The following PODXL variants were observed in gnomAD, a reference collection of about 807,000 sequenced individuals.
PODXL encodes podocalyxin like.
A neutral mutation model predicts 48.9 loss-of-function variants in PODXL; 20 were observed. The observed-to-expected ratio is 0.41, with a 90% CI of 0.29 to 0.59. The LOEUF is 0.59. PODXL is among the 20% of genes least tolerant of loss of function. The probability of loss-of-function intolerance (pLI) is 0.31; values close to 1 mark genes in which losing one functional copy is unlikely to be tolerated. For synonymous variants in PODXL, 295 were observed against 287.4 expected, an observed-to-expected ratio of 1.03 and a Z score of -0.27; for missense variants, 606 against 675.1, an observed-to-expected ratio of 0.90 and a Z score of 1.13.
At chr7:131,545,710 A>G (rs1039764461) in intron 1 of PODXL, among the ~76,000 whole-genome samples, 1 of 152,252 alleles carries the variant, frequency 6.6e-6, no homozygotes, top group African/African-American at 2.4e-5. Context: ...AACAAAGGTA[A>G]TAAGTAATCT....
intron 1 of PODXL, among the ~76,000 whole-genome samples, chr7:131,516,293 C>G (rs1413361536): frequency 2.6e-5 from 4 of 152,212 alleles, no homozygotes; most frequent in African/African-American, 9.6e-5. Flanking sequence ...GTAATCCCAG[C>G]AATTTGGGAG....
intron 5 of PODXL, among the ~76,000 whole-genome samples, chr7:131,507,671 A>AGGG (rs1562902955): frequency 1.6e-3 from 143 of 88,426 alleles, no homozygotes; most frequent in Admixed American, 2.2e-3. Flanking sequence ...AGCAAAGGGA[A>AGGG]AAAAAAAAAA....
intron 3 of PODXL, among the ~76,000 whole-genome samples, chr7:131,509,841 A>C (rs1018038503): frequency 6.6e-6 from 1 of 152,166 alleles, no homozygotes. Flanking sequence ...AATCCTCACA[A>C]TCCTCTGGGG....
At chr7:131,507,853 G>T (rs909578131) in intron 5 of PODXL, among the ~76,000 whole-genome samples, 2 of 152,182 alleles carry the variant, frequency 1.3e-5, no homozygotes, top group African/African-American at 4.8e-5. Context: ...TGGTCTAGAT[G>T]TAGGCTTTTG....
Position 131,511,612 on chromosome 7 carries a change from C to CT in PODXL, c.101-180dup, listed in dbSNP as rs1163673176. ...GGTTCAAGAAACCTCTTTTTTCTGT[C>CT]TTTTTTTTTTCTTCTTCCTTTTTGT... is the stretch of plus-strand genomic sequence containing the variant. On this transcript the variant is annotated intron_variant, in intron 1 of 8. Coordinates refer to ENST00000378555, the MANE Select transcript of PODXL (RefSeq NM_001018111.3). Among the ~76,000 whole-genome samples, 1,381 of 150,140 alleles carry CT rather than the reference C, an allele frequency of 9.2e-3. 10 individuals are homozygous for CT. Among genetic ancestry groups the CT allele is most frequent in the South Asian group, 0.018 (84 of 4,728 alleles).
intron 6 of PODXL, 50 bp downstream of exon 6, chr7:131,506,529 C>G (rs1221424568): frequency 6.3e-7 from 1 of 1,588,014 alleles, no homozygotes. Context: ...GCATGCCCCC[C>G]ATTCCCACCC....
In PODXL at chr7:131,509,177, C is replaced by CT. The variant is rs757122015; in HGVS notation, c.1024-150dup. The CT allele has an allele frequency of 2.4e-5, 20 of 846,154 alleles. No individual in the cohort carries two copies. The Middle Eastern group carries it at 6.9e-4, about 29-fold the overall frequency. 52.4% of individuals were successfully genotyped at this position (846,154 alleles called of 1,614,324 possible). A position where few individuals can be genotyped will look rare whatever the true frequency, so the allele number is the denominator to read the frequency against. On this transcript the variant is annotated intron_variant, in intron 4 of 8. Coordinates refer to ENST00000378555, the MANE Select transcript of PODXL (RefSeq NM_001018111.3). ...CATTCCAGAGCCAGGTATGTCCTGG[C>CT]TGCGTGGCTTGAGGGCAGCTCAAGC...
At chr7:131,514,125 A>G (rs901085555) in intron 1 of PODXL, among the ~76,000 whole-genome samples, 14 of 152,166 alleles carry the variant, frequency 9.2e-5, no homozygotes, top group African/African-American at 3.4e-4. Flanking sequence ...TGTGTTTTAA[A>G]AAGCAATACA....
At chr7:131,539,532 C>T (rs1016017609) in intron 1 of PODXL, among the ~76,000 whole-genome samples, 7 of 152,194 alleles carry the variant, frequency 4.6e-5, no homozygotes, top group African/African-American at 9.7e-5. Flanking sequence ...GGTGTCGCCA[C>T]GTTGGCCAGG....
intron 1 of PODXL, among the ~76,000 whole-genome samples, chr7:131,525,555 G>T (rs966428107): frequency 3.3e-5 from 5 of 150,834 alleles, no homozygotes; most frequent in Non-Finnish European, 7.4e-5. Flanking sequence ...AGCTGAGATC[G>T]TGCCATTGCA....
At chr7:131,522,572 G>A (rs1044448384) in intron 1 of PODXL, among the ~76,000 whole-genome samples, 1 of 152,122 alleles carries the variant, frequency 6.6e-6, no homozygotes, top group Admixed American at 6.5e-5. Flanking sequence ...TTGCAGCCCC[G>A]GGTGCACCGA....
chr7:131,518,750 C>T (rs527782564), intron 1 of PODXL, among the ~76,000 whole-genome samples: 1 of 152,300 alleles, frequency 6.6e-6, no homozygotes, highest in South Asian at 2.1e-4. Context: ...AGTCCAGAAA[C>T]GGCGCCGCTG....
At chr7:131,540,105 C>T (rs28446476) in intron 1 of PODXL, among the ~76,000 whole-genome samples, 21,206 of 152,010 alleles carry the variant, frequency 0.14, 1,571 homozygotes, top group South Asian at 0.22. Flanking sequence ...TGCGGTGGCG[C>T]GATCACGGCT....
At position 131,511,189 on chromosome 7, in the gene PODXL, G is replaced by T; in HGVS notation, c.345C>A (p.Asn115Lys). The stretch of plus-strand genomic sequence containing the variant: ...TGGGGCTCTCGATGGTGGTAGTAGG[G>T]TTGCCTGAGCCGCCTCCTCTAGCCA... ...TTVARGGGSG[N>K]PTTTIESPKS... The change falls in exon 2 of 9, where the codon AAC becomes AAA. Residue 115 changes from asparagine (N) to lysine (K), a missense_variant. By Grantham distance (94) the Asn-to-Lys change is moderately conservative. Transcript: ENST00000378555. 1 of 1,614,008 alleles carries T rather than the reference G, an allele frequency of 6.2e-7. No homozygotes were observed. The highest frequency in any genetic ancestry group is 8.5e-7 in the Non-Finnish European group (1 of 1,180,002).
chr7:131,540,045 A>G (rs2116851309), intron 1 of PODXL, among the ~76,000 whole-genome samples: 1 of 151,854 alleles, frequency 6.6e-6, no homozygotes, highest in East Asian at 1.9e-4. Flanking sequence ...GTACCTTTTA[A>G]TTTTTAATCT....
At chr7:131,541,540 G>T (rs1798481472) in intron 1 of PODXL, among the ~76,000 whole-genome samples, 1 of 152,030 alleles carries the variant, frequency 6.6e-6, no homozygotes, top group African/African-American at 2.4e-5. Flanking sequence ...ACAAAAATTA[G>T]CCGGGCTTGG....
In PODXL at chr7:131,539,539, C is replaced by A. The variant is rs553826225; in HGVS notation, c.100+16721G>T. On this transcript the variant is annotated intron_variant, in intron 1 of 8. Coordinates refer to ENST00000378555, the MANE Select transcript of PODXL (RefSeq NM_001018111.3). ...AGACATGGGGTGTCGCCACGTTGGC[C>A]AGGCTGGTCTTGAAGTCCTGACCTC... Among the ~76,000 whole-genome samples, 5 of 152,340 alleles carry A rather than the reference C, an allele frequency of 3.3e-5. No individual in the cohort carries two copies. In the East Asian group the frequency reaches 9.7e-4, roughly 29 times the overall value.
chr7:131,511,189 G>A lies in PODXL; in HGVS notation c.345C>T (p.Asn115=). ...TGGGGCTCTCGATGGTGGTAGTAGGGTTGCCTGAGCCGCCTCCTCTAGCCA... is the reference window on the plus strand; with the variant it reads ...TGGGGCTCTCGATGGTGGTAGTAGGATTGCCTGAGCCGCCTCCTCTAGCCA... The part of the protein sequence containing the change: ...TTVARGGGSG[N]PTTTIESPKS... The change falls in exon 2 of 9, where the codon AAC becomes AAT. Residue 115 remains asparagine, a synonymous_variant. Coordinates refer to ENST00000378555, the MANE Select transcript of PODXL (RefSeq NM_001018111.3). 1 of 1,614,008 alleles carries A rather than the reference G, an allele frequency of 6.2e-7. No homozygotes were observed. Among genetic ancestry groups the A allele is most frequent in the South Asian group, 1.1e-5 (1 of 91,052 alleles).
intron 1 of PODXL, among the ~76,000 whole-genome samples, chr7:131,522,889 T>C (rs1798112227): frequency 6.6e-6 from 1 of 152,270 alleles, no homozygotes. Context: ...AAATGATATT[T>C]CACAGTATGG....
Sources: allele counts gnomAD v4.1 joint callset (sites outside exome capture counted in the v4.1 genomes callset), GRCh38; gene constraint gnomAD v4.1.1; transcripts MANE v1.5; gene names NCBI Gene and HGNC (gene_info 2026-07-23, HGNC 2026-07-21).